Variants in SLC25A12 observed in about 807,000 individuals in gnomAD.
The protein encoded by SLC25A12 is electrogenic aspartate/glutamate antiporter SLC25A12, mitochondrial.
Under a neutral mutation model 83.3 loss-of-function variants are expected in SLC25A12, and 32 were observed. That is an observed-to-expected ratio of 0.38 (90% CI 0.29 to 0.52). The LOEUF is 0.52. Among genes scored for constraint, SLC25A12 ranks in the 20% least tolerant of loss-of-function variants. The pLI, the probability that SLC25A12 is intolerant of heterozygous loss-of-function variation, is 0.84. For synonymous variants in SLC25A12, 267 were observed against 291.1 expected (o/e 0.92, Z 0.84); for missense variants, 611 against 835.6 (o/e 0.73, Z 3.31).
intron 2 of SLC25A12, among the ~76,000 whole-genome samples, chr2:171,872,870 T>A (rs1353315512): frequency 2.0e-5 from 3 of 152,178 alleles, no homozygotes; most frequent in Non-Finnish European, 2.9e-5. Flanking sequence ...CCCCTTTTTT[T>A]TTCTTTTCTG....
chr2:171,835,470 T>C (rs1420308395), intron 6 of SLC25A12, among the ~76,000 whole-genome samples: 12 of 152,252 alleles, frequency 7.9e-5, no homozygotes, highest in African/African-American at 2.2e-4. Flanking sequence ...TTATTCACTA[T>C]TGAGTTATGT....
intron 15 of SLC25A12, among the ~76,000 whole-genome samples, chr2:171,789,371 GAA>G (rs1344470250): frequency 2.6e-4 from 40 of 152,238 alleles, no homozygotes; most frequent in East Asian, 9.7e-4. Context: ...TGGGACTACA[GAA>G]GCCCGCCACC....
rs534382093 is a variant in SLC25A12, at chr2:171,844,381, C to G, written c.453G>C (p.Thr151=). 8 of 1,613,882 alleles carry G rather than the reference C, an allele frequency of 5.0e-6. No homozygotes were observed. The highest frequency in any genetic ancestry group is 1.7e-5 in the Admixed American group (1 of 60,014). ...RKKHLNYTEF[T]QFLQELQLEH... is the part of the protein sequence containing the mutation. ...AAACTAAGCTCACCTGGAGAAACTG[C>G]GTGAATTCTGTGTAGTTAAGATGCT... is the stretch of plus-strand genomic sequence containing the variant. Residue 151 remains threonine, a synonymous_variant, in exon 5 of 18, where the codon ACG becomes ACC. Transcript: ENST00000422440.
intron 13 of SLC25A12, among the ~76,000 whole-genome samples, chr2:171,800,346 C>T (rs1014391986): frequency 2.0e-5 from 3 of 151,866 alleles, no homozygotes; most frequent in African/African-American, 7.3e-5. Flanking sequence ...CACACACACA[C>T]ACATATACGA....
At chr2:171,801,602 A>G (rs927517240) in intron 13 of SLC25A12, among the ~76,000 whole-genome samples, 1 of 152,210 alleles carries the variant, frequency 6.6e-6, no homozygotes, top group Non-Finnish European at 1.5e-5. Context: ...CAATGGTGCA[A>G]AAGCAATATG....
At chr2:171,808,875 C>T (rs1001761346) in intron 13 of SLC25A12, among the ~76,000 whole-genome samples, 14 of 149,912 alleles carry the variant, frequency 9.3e-5, no homozygotes, top group African/African-American at 3.5e-4. Flanking sequence ...CCATGACAGG[C>T]CCCAGTGTGT....
intron 2 of SLC25A12, among the ~76,000 whole-genome samples, chr2:171,886,726 G>A (rs529214613): frequency 9.6e-4 from 146 of 152,016 alleles, no homozygotes; most frequent in South Asian, 3.3e-3. Flanking sequence ...TAGCCAGGAT[G>A]GTCTCAATCT....
intron 4 of SLC25A12, among the ~76,000 whole-genome samples, chr2:171,852,986 G>A (rs1684963696): frequency 6.6e-6 from 1 of 152,154 alleles, no homozygotes; most frequent in Admixed American, 6.5e-5. Flanking sequence ...CAGCTAGCCA[G>A]GGAATCCAGA....
chr2:171,877,392 C>A (rs915993202), intron 2 of SLC25A12, among the ~76,000 whole-genome samples: 1 of 152,026 alleles, frequency 6.6e-6, no homozygotes, highest in Admixed American at 6.6e-5. Flanking sequence ...ACCGGCTGGG[C>A]ACGGTGGCTC....
intron 2 of SLC25A12, among the ~76,000 whole-genome samples, chr2:171,873,420 C>A (rs955367304): frequency 9.2e-5 from 14 of 152,192 alleles, no homozygotes; most frequent in African/African-American, 3.4e-4. Flanking sequence ...TGCACTCCAG[C>A]CTGTGCGACA....
intron 9 of SLC25A12, among the ~76,000 whole-genome samples, chr2:171,820,411 A>G: frequency 6.6e-6 from 1 of 152,138 alleles, no homozygotes. Context: ...ATACAGTTGA[A>G]AAAAGTAATT....
intron 2 of SLC25A12, among the ~76,000 whole-genome samples, chr2:171,890,271 C>T (rs935552776): frequency 5.9e-5 from 9 of 152,152 alleles, no homozygotes; most frequent in East Asian, 1.9e-4. Flanking sequence ...AAGAAATACA[C>T]GGTTAGCATG....
chr2:171,838,018 T>C (rs1056048531), intron 5 of SLC25A12, among the ~76,000 whole-genome samples: 3 of 152,334 alleles, frequency 2.0e-5, no homozygotes, highest in East Asian at 1.9e-4. Context: ...CTGTGTACTA[T>C]ACAAAAGTCA....
intron 4 of SLC25A12, among the ~76,000 whole-genome samples, chr2:171,854,897 G>A (rs1276009733): frequency 1.3e-5 from 2 of 152,186 alleles, no homozygotes; most frequent in African/African-American, 4.8e-5. Flanking sequence ...AAATATCCAT[G>A]CCAATTCACA....
At chr2:171,873,624 A>G (rs892260384) in intron 2 of SLC25A12, among the ~76,000 whole-genome samples, 4 of 152,120 alleles carry the variant, frequency 2.6e-5, no homozygotes, top group African/African-American at 9.7e-5. Flanking sequence ...TATACAGTGG[A>G]AAGTCTTCCT....
At chr2:171,854,107 T>C (rs1481200128) in intron 4 of SLC25A12, among the ~76,000 whole-genome samples, 2 of 152,182 alleles carry the variant, frequency 1.3e-5, no homozygotes, top group East Asian at 1.9e-4. Flanking sequence ...AAATGCAGCA[T>C]TACTAGTAGT....
intron 9 of SLC25A12, among the ~76,000 whole-genome samples, chr2:171,820,878 C>T (rs895433700): frequency 6.6e-6 from 1 of 151,910 alleles, no homozygotes; most frequent in South Asian, 2.1e-4. Context: ...CCTCTTTTAT[C>T]TCACTTCCCT....
intron 9 of SLC25A12, among the ~76,000 whole-genome samples, chr2:171,825,197 G>A (rs914996009): frequency 1.3e-4 from 20 of 152,188 alleles, no homozygotes; most frequent in Non-Finnish European, 2.2e-4. Flanking sequence ...ATTTTAATCT[G>A]TAGGAAGCTT....
At chr2:171,838,100 G>A (rs1684595592) in intron 5 of SLC25A12, among the ~76,000 whole-genome samples, 1 of 152,098 alleles carries the variant, frequency 6.6e-6, no homozygotes, top group African/African-American at 2.4e-5. Context: ...TAACAATGGT[G>A]CTGCTATTGG....
Sources: allele counts gnomAD v4.1 joint callset (sites outside exome capture counted in the v4.1 genomes callset), GRCh38; gene constraint gnomAD v4.1.1; transcripts MANE v1.5; gene names NCBI Gene and HGNC (gene_info 2026-07-23, HGNC 2026-07-21).